The following C21orf91 variants were observed in gnomAD, a reference collection of about 807,000 sequenced individuals.
C21orf91 encodes chromosome 21 open reading frame 91.
A neutral mutation model predicts 32.9 loss-of-function variants in C21orf91; 26 were observed. That is an observed-to-expected ratio of 0.79 (90% CI 0.58 to 1.10). C21orf91 has a LOEUF of 1.10. Ranked by LOEUF, C21orf91 falls within the 50% of genes least tolerant of loss-of-function variation. The pLI is 0.00. For synonymous variants in C21orf91, 126 were observed against 120.4 expected (o/e 1.05, Z -0.31); for missense variants, 310 against 341.3 (o/e 0.91, Z 0.72).
Position 17,789,637 on chromosome 21 carries a change from A to T in C21orf91, c.*3778T>A, listed in dbSNP as rs978345477. The T allele has an allele frequency of 1.3e-5, 2 of 152,180 alleles. No individual in the cohort carries two copies. The highest frequency in any genetic ancestry group is 4.8e-5 in the African/African-American group (2 of 41,450). 9.4% of individuals were successfully genotyped at this position (152,180 alleles called of 1,614,324 possible). A position where few individuals can be genotyped will look rare whatever the true frequency, so the allele number is the denominator to read the frequency against. On this transcript the variant is annotated 3_prime_UTR_variant, in exon 5 of 5. Transcript: ENST00000284881. ...TTGGAGACTTGATATAATATGGTTCATATCAATGTTACCATAGCCAGAAGT... is the reference window on the plus strand; with the variant it reads ...TTGGAGACTTGATATAATATGGTTCTTATCAATGTTACCATAGCCAGAAGT...
chr21:17,813,147 A>G (rs1292010130), intron 2 of C21orf91, among the ~76,000 whole-genome samples: 2 of 152,242 alleles, frequency 1.3e-5, no homozygotes, highest in East Asian at 3.9e-4. Flanking sequence ...AATGAGAAAG[A>G]GGCTAATGCC....
rs367546040 is a variant in C21orf91, at chr21:17,791,521, TG to T, written c.*1893del. ...AAATGCAACATATCCCCAACTTTTA[TG>T]ACTGTCCCTAACTCATCTAAACACA... On this transcript the variant is annotated 3_prime_UTR_variant, in exon 5 of 5. Coordinates refer to ENST00000284881, the MANE Select transcript of C21orf91 (RefSeq NM_001100420.2). 138 of 152,306 alleles carry T rather than the reference TG, an allele frequency of 9.1e-4. No homozygotes were observed. The highest frequency in any genetic ancestry group is 3.2e-3 in the African/African-American group (133 of 41,586). The allele number at this position is 152,306 out of a possible 1,614,324, so 9.4% of individuals were successfully genotyped here.
At chr21:17,812,758 G>C (rs1157380128) in intron 2 of C21orf91, among the ~76,000 whole-genome samples, 1 of 151,924 alleles carries the variant, frequency 6.6e-6, no homozygotes, top group African/African-American at 2.4e-5. Flanking sequence ...GCAGTGAGCC[G>C]AGACTGCACC....
chr21:17,812,970 G>C (rs2062642677), intron 2 of C21orf91, among the ~76,000 whole-genome samples: 1 of 152,240 alleles, frequency 6.6e-6, no homozygotes, highest in Non-Finnish European at 1.5e-5. Flanking sequence ...ATAAATCTGT[G>C]TTCTTTATAA....
intron 2 of C21orf91, among the ~76,000 whole-genome samples, chr21:17,814,412 C>T (rs2062652219): frequency 6.6e-6 from 1 of 152,192 alleles, no homozygotes; most frequent in African/African-American, 2.4e-5. Flanking sequence ...GTCTTCTAAT[C>T]TGAGAAGCAG....
At chr21:17,815,866 G>A (rs377228834) in intron 2 of C21orf91, among the ~76,000 whole-genome samples, 22 of 152,216 alleles carry the variant, frequency 1.4e-4, no homozygotes, top group African/African-American at 5.3e-4. Context: ...CTCCATGTTG[G>A]TCAGGCTGGT....
At chr21:17,816,674 T>C (rs2062666806) in intron 2 of C21orf91, among the ~76,000 whole-genome samples, 1 of 152,240 alleles carries the variant, frequency 6.6e-6, no homozygotes, top group African/African-American at 2.4e-5. Flanking sequence ...ACAGTAGTCA[T>C]TCCAAAGCTA....
At chr21:17,805,474 T>G (rs867342647) in intron 2 of C21orf91, among the ~76,000 whole-genome samples, 1 of 152,124 alleles carries the variant, frequency 6.6e-6, no homozygotes, top group South Asian at 2.1e-4. Flanking sequence ...CCACCACACC[T>G]GGGTAGTTTT....
At chr21:17,810,883 T>A (rs1295345724) in intron 2 of C21orf91, 2 of 152,300 alleles carry the variant, frequency 1.3e-5, no homozygotes, top group Non-Finnish European at 2.9e-5. Context: ...TAGATTACAA[T>A]CTATATGGAA....
intron 2 of C21orf91, among the ~76,000 whole-genome samples, chr21:17,801,307 G>T (rs531347983): frequency 1.9e-4 from 29 of 149,520 alleles, no homozygotes; most frequent in South Asian, 4.2e-4. Context: ...GTCTCGCTCT[G>T]TCACCCAGGC....
rs1243659820 is a variant in C21orf91, at chr21:17,792,475, AC to A, written c.*939del. ...CCAAAGTGGCACACAAAATAATCTT[AC>A]TTTTTTTTTTCAAAGACAGAACAAT... On this transcript the variant is annotated 3_prime_UTR_variant, in exon 5 of 5. Transcript: ENST00000284881. 1 of 131,452 alleles carries A rather than the reference AC, an allele frequency of 7.6e-6. No individual in the cohort carries two copies. Among genetic ancestry groups the A allele is most frequent in the Non-Finnish European group, 1.6e-5 (1 of 62,690 alleles). The allele number at this position is 131,452 out of a possible 1,614,324, so 8.1% of individuals were successfully genotyped here. A position where few individuals can be genotyped will look rare whatever the true frequency, so the allele number is the denominator to read the frequency against.
In C21orf91 at chr21:17,793,418, G is replaced by A. The variant is rs372501920; in HGVS notation, c.891C>T (p.Asn297=). 1.9e-6 allele frequency: 3 copies of A among 1,603,274 alleles called. No homozygotes were observed. Among genetic ancestry groups the A allele is most frequent in the Non-Finnish European group, 2.6e-6 (3 of 1,172,552 alleles). ...ATACGAAGTAAGTCTGTTTAGGTCA[G>A]TTGTTTATGGGTAGGTGCGACTTCA... ...TGMKSHLPIN[N] is the part of the protein sequence containing the mutation. Residue 297 remains asparagine (N), a synonymous_variant, in exon 5 of 5, where the codon AAC becomes AAT. Transcript: ENST00000284881.
rs574195664 is a variant in C21orf91 at position 17,791,950 on chromosome 21, T to C, written c.*1465A>G. The C allele has an allele frequency of 1.2e-4, 19 of 152,308 alleles. No individual in the cohort carries two copies. In the East Asian group the frequency reaches 2.9e-3, roughly 23 times the overall value. The allele number at this position is 152,308 out of a possible 1,614,324, so 9.4% of individuals were successfully genotyped here. Reference sequence around the variant, plus strand: ...TTTCAATTAAACTGAAGTGTTTCTTTGCTTAAATACTTTCTTGTGTTCAAC... The same window carrying C: ...TTTCAATTAAACTGAAGTGTTTCTTCGCTTAAATACTTTCTTGTGTTCAAC... On this transcript the variant is annotated 3_prime_UTR_variant, in exon 5 of 5. Transcript: ENST00000284881.
intron 2 of C21orf91, among the ~76,000 whole-genome samples, chr21:17,808,286 G>A (rs1045766074): frequency 1.3e-5 from 2 of 152,262 alleles, no homozygotes; most frequent in Non-Finnish European, 2.9e-5. Context: ...CTTCCACGTG[G>A]TGTTAACCCT....
chr21:17,805,600 C>T (rs1412338206), intron 2 of C21orf91, among the ~76,000 whole-genome samples: 1 of 152,212 alleles, frequency 6.6e-6, no homozygotes, highest in Non-Finnish European at 1.5e-5. Flanking sequence ...AGGCGTGAGC[C>T]ACCACACCCA....
intron 2 of C21orf91, among the ~76,000 whole-genome samples, chr21:17,798,535 G>T (rs1294198243): frequency 6.6e-6 from 1 of 152,128 alleles, no homozygotes; most frequent in Non-Finnish European, 1.5e-5. Context: ...TTTTTCCAAT[G>T]AGTACAAAAA....
chr21:17,800,678 A>C (rs2062553074), intron 2 of C21orf91, among the ~76,000 whole-genome samples: 1 of 152,226 alleles, frequency 6.6e-6, no homozygotes, highest in Admixed American at 6.5e-5. Context: ...GAGTTATAAT[A>C]ATTTCCAAAC....
At chr21:17,817,455 T>A (rs2062671459) in intron 2 of C21orf91, among the ~76,000 whole-genome samples, 1 of 152,132 alleles carries the variant, frequency 6.6e-6, no homozygotes, top group Admixed American at 6.5e-5. Context: ...ATGTTACAAC[T>A]CAAAACTCAA....
intron 2 of C21orf91, among the ~76,000 whole-genome samples, chr21:17,806,711 G>A (rs1237042952): frequency 6.6e-6 from 1 of 152,148 alleles, no homozygotes; most frequent in Non-Finnish European, 1.5e-5. Flanking sequence ...ATGGTGGCAG[G>A]TACCTGTAAT....
Sources: gnomAD v4.1 joint callset for allele counts (sites outside exome capture counted in the v4.1 genomes callset) on GRCh38, gnomAD v4.1.1 for gene constraint, MANE v1.5 for transcripts, NCBI Gene and HGNC (gene_info 2026-07-23, HGNC 2026-07-21) for gene names.